PDGFRB: variants seen among roughly 807,000 people sequenced by gnomAD.
The protein encoded by PDGFRB is platelet-derived growth factor receptor beta.
In PDGFRB, 42 loss-of-function variants were observed where a neutral mutation model predicts 120.2. The observed-to-expected ratio is 0.35, with a 90% CI of 0.27 to 0.45. The LOEUF (loss-of-function observed/expected upper bound fraction) is 0.45, where lower values mean the gene tolerates loss of function less well. Ranked by LOEUF, PDGFRB falls within the 20% of genes least tolerant of loss-of-function variation. The pLI is 1.00. For missense variants in PDGFRB, 1,149 were observed against 1,476.3 expected, an observed-to-expected ratio of 0.78 and a Z score of 3.63; for synonymous variants, 586 against 606.8, an observed-to-expected ratio of 0.97 and a Z score of 0.50.
intron 1 of PDGFRB, among the ~76,000 whole-genome samples, chr5:150,143,623 A>T (rs1760840147): frequency 2.6e-5 from 4 of 152,028 alleles, no homozygotes; most frequent in Admixed American, 2.6e-4. Flanking sequence ...CCTGGCGGCA[A>T]GTCTGGTCCA....
In PDGFRB at chr5:150,133,864, GC is replaced by G. The variant is rs775996571; in HGVS notation, c.759+16del. 6.2e-7 allele frequency: 1 copy of G among 1,613,982 alleles called. No individual in the cohort carries two copies. On this transcript the variant is annotated intron_variant, in intron 5 of 22. Coordinates refer to ENST00000261799, the MANE Select transcript of PDGFRB (RefSeq NM_002609.4). ...GTTCCTGGCCCCTCCTCCGACCCCT[GC>G]CTGGCCCCACATTACTTCTTTGCGG... is the stretch of plus-strand genomic sequence containing the variant.
chr5:150,142,347 A>T (rs954062445), intron 1 of PDGFRB, among the ~76,000 whole-genome samples: 6 of 152,270 alleles, frequency 3.9e-5, no homozygotes, highest in East Asian at 3.9e-4. Context: ...CCCTCTCCAC[A>T]GCACACCTCT....
At chr5:150,123,824 T>G (rs1481267204) in intron 14 of PDGFRB, among the ~76,000 whole-genome samples, 1 of 152,148 alleles carries the variant, frequency 6.6e-6, no homozygotes, top group Non-Finnish European at 1.5e-5. Context: ...TAACTGGCAA[T>G]CAGAGCTTCA....
intron 11 of PDGFRB, among the ~76,000 whole-genome samples, chr5:150,126,043 T>G (rs1580801318): frequency 6.6e-6 from 1 of 152,186 alleles, no homozygotes; most frequent in African/African-American, 2.4e-5. Context: ...TTTAGAAAGA[T>G]GGGATCATGA....
At position 150,149,906 on chromosome 5, in the gene PDGFRB, A is replaced by G. The variant is rs544124147; in HGVS notation, c.-7+5491T>C. The stretch of plus-strand genomic sequence containing the variant: ...AGCAGCAATGAGGATGTGGCAAAAC[A>G]GTCACAAGAAGCATGGTAGGAACTC... On this transcript the variant is annotated intron_variant, in intron 1 of 22. Transcript: ENST00000261799. 3.9e-5 allele frequency among the ~76,000 whole-genome samples: 6 copies of G among 152,324 alleles called. No homozygotes were observed. In the East Asian group the frequency reaches 1.2e-3, roughly 29 times the overall value.
At chr5:150,142,436 C>T (rs1387174758) in intron 1 of PDGFRB, among the ~76,000 whole-genome samples, 1 of 152,196 alleles carries the variant, frequency 6.6e-6, no homozygotes, top group East Asian at 1.9e-4. Flanking sequence ...GCGACTGAGA[C>T]TCAGAGGAGG....
At chr5:150,155,338 C>A in intron 1 of PDGFRB, 59 bp downstream of exon 1, 1 of 249,058 alleles carries the variant, frequency 4.0e-6, no homozygotes, top group Non-Finnish European at 7.0e-6. Flanking sequence ...CGAAGAGATG[C>A]AGGTTAGGGC....
At chr5:150,117,499 C>G (rs190173502) in intron 22 of PDGFRB, 119 bp downstream of exon 22, 143 of 631,072 alleles carry the variant, frequency 2.3e-4, no homozygotes, top group East Asian at 1.6e-3. Flanking sequence ...ACTTACCCTA[C>G]GTAACTTACC....
chr5:150,118,042 G>A (rs1263222396), intron 21 of PDGFRB, among the ~76,000 whole-genome samples, 192 bp from the exon 22 acceptor site: 1 of 152,160 alleles, frequency 6.6e-6, no homozygotes, highest in African/African-American at 2.4e-5. Flanking sequence ...GGCATGGTGA[G>A]CTCAGGACCA....
At position 150,135,860 on chromosome 5, in the gene PDGFRB, G is replaced by C. The variant is rs750698728; in HGVS notation, c.59C>G (p.Ser20Cys). 3.3e-6 allele frequency: 5 copies of C among 1,528,494 alleles called. No homozygotes were observed. The highest frequency in any genetic ancestry group is 2.6e-6 in the Non-Finnish European group (3 of 1,139,164). The allele number at this position is 1,528,494 out of a possible 1,614,324, so 94.7% of individuals were successfully genotyped here. A position where few individuals can be genotyped will look rare whatever the true frequency, so the allele number is the denominator to read the frequency against. ...CTGTGGTTCCAGAAGTAACAGGAGAGACAGCAACAGCAGCTCGCCTTTGGG... is the reference window on the plus strand; with the variant it reads ...CTGTGGTTCCAGAAGTAACAGGAGACACAGCAACAGCAGCTCGCCTTTGGG... ...LALKGELLLLSLLLLLEPQIS... is the reference protein window; with the variant it reads ...LALKGELLLLCLLLLLEPQIS... The change falls in exon 3 of 23, where the codon TCT becomes TGT. Residue 20 changes from serine (S) to cysteine (C), a missense_variant. Coordinates refer to ENST00000261799, the MANE Select transcript of PDGFRB (RefSeq NM_002609.4).
chr5:150,117,549 C>CAA, intron 22 of PDGFRB, 69 bp downstream of exon 22: 2 of 553,108 alleles, frequency 3.6e-6, no homozygotes, highest in Non-Finnish European at 5.5e-6. Flanking sequence ...CGCGCGCACA[C>CAA]ACACACACAC....
chr5:150,116,161 T>C (rs1427002541), intron 22 of PDGFRB, among the ~76,000 whole-genome samples: 2 of 152,158 alleles, frequency 1.3e-5, no homozygotes, highest in Non-Finnish European at 2.9e-5. Flanking sequence ...AGCAGGGAAG[T>C]GCAGGAGCTG....
chr5:150,119,805 T>C (rs191851021), intron 19 of PDGFRB, among the ~76,000 whole-genome samples: 14 of 152,260 alleles, frequency 9.2e-5, no homozygotes, highest in African/African-American at 3.1e-4. Flanking sequence ...TTCAAACCTG[T>C]CAATGCTCAG....
rs1319458632 is a variant in PDGFRB, at chr5:150,120,848, G to A, written c.2586+40C>T. On this transcript the variant is annotated intron_variant, in intron 18 of 22. Coordinates refer to ENST00000261799, the MANE Select transcript of PDGFRB (RefSeq NM_002609.4). The surrounding 1 kb of genome is among the most constrained non-coding windows in gnomAD (Gnocchi z 4.3). ...AGGGAATCTGTTCCTGCGGTCACAG[G>A]CACTGTGACTGCCCTGCAGGGGCCA... 2 of 1,595,202 alleles carry A rather than the reference G, an allele frequency of 1.3e-6. No homozygotes were observed. Among genetic ancestry groups the A allele is most frequent in the Non-Finnish European group, 1.7e-6 (2 of 1,163,198 alleles).
intron 1 of PDGFRB, among the ~76,000 whole-genome samples, chr5:150,147,738 G>A (rs1394189647): frequency 1.3e-5 from 2 of 152,176 alleles, no homozygotes; most frequent in Admixed American, 6.5e-5. Flanking sequence ...CCTGTCTTCG[G>A]TCATTCACTT....
At chr5:150,129,427 C>T (rs1185385884) in intron 10 of PDGFRB, among the ~76,000 whole-genome samples, 1 of 151,700 alleles carries the variant, frequency 6.6e-6, no homozygotes, top group Non-Finnish European at 1.5e-5. Context: ...AGACGATTTA[C>T]ATATCTACAC....
At chr5:150,155,036 C>A (rs1456776014) in intron 1 of PDGFRB, among the ~76,000 whole-genome samples, 1 of 152,116 alleles carries the variant, frequency 6.6e-6, no homozygotes, top group Non-Finnish European at 1.5e-5. Context: ...TTCTGTGTAC[C>A]CTGCCTACCT....
At chr5:150,124,394 T>C (rs2113895274) in intron 13 of PDGFRB, 34 bp from the exon 14 acceptor site, 4 of 1,473,122 alleles carry the variant, frequency 2.7e-6, no homozygotes, top group Non-Finnish European at 3.8e-6. Context: ...CCAGGCCCAG[T>C]CATGGAGGCT....
Position 150,133,963 on chromosome 5 carries a change from C to T in PDGFRB, c.677G>A (p.Arg226His), listed in dbSNP as rs749262788. The change falls in exon 5 of 23, where the codon CGC becomes CAC. Residue 226 changes from arginine to histidine, a missense_variant. This residue lies in a region of PDGFRB where 879 missense variants were observed against 1,108.6 expected (regional missense o/e 0.79). Coordinates refer to ENST00000261799, the MANE Select transcript of PDGFRB (RefSeq NM_002609.4). ...VSVNAVQTVV[R>H]QGENITLMCI... The stretch of plus-strand genomic sequence containing the variant: ...CATGAGGGTGATGTTCTCACCCTGG[C>T]GGACCACAGTCTGCACTGCGTTCAC... 1.2e-6 allele frequency: 2 copies of T among 1,613,288 alleles called. No individual in the cohort carries two copies. Among genetic ancestry groups the T allele is most frequent in the Non-Finnish European group, 1.7e-6 (2 of 1,179,258 alleles).
Sources: gnomAD v4.1 joint callset for allele counts (sites outside exome capture counted in the v4.1 genomes callset) on GRCh38, gnomAD v4.1.1 for gene constraint, gnomAD v4.1.1 regional missense constraint, Gnocchi (gnomAD v3.1) non-coding constraint, MANE v1.5 for transcripts, NCBI Gene and HGNC (gene_info 2026-07-23, HGNC 2026-07-21) for gene names.